The following MTRF1 variants were observed in gnomAD, a reference collection of about 807,000 sequenced individuals.
The protein encoded by MTRF1 is mitochondrial translation release factor 1, also known as peptide chain release factor 1, mitochondrial.
MTRF1 carries 51 observed loss-of-function variants against 62.9 expected under a neutral mutation model. The observed-to-expected ratio is 0.81, with a 90% CI of 0.65 to 1.02. The LOEUF is 1.02. MTRF1 is among the 50% of genes least tolerant of loss of function. The pLI is 0.00. For synonymous variants in MTRF1, 158 were observed against 181.9 expected (o/e 0.87, Z 1.06); for missense variants, 446 against 530.0 (o/e 0.84, Z 1.56).
At chr13:41,311,382 G>A in the MTRF1 span, 2 of 707,420 alleles carry the variant, frequency 2.8e-6, no homozygotes, top group Non-Finnish European at 4.7e-6. Context: ...CAGCCAGGCT[G>A]CCCAATTGCA....
chr13:41,271,280 G>C, the MTRF1 span, among the ~76,000 whole-genome samples: 1 of 151,988 alleles, frequency 6.6e-6, no homozygotes, highest in Non-Finnish European at 1.5e-5. Context: ...TGACCTTAGG[G>C]CTCTTTTCCC....
chr13:41,227,758 T>C (rs1018147380), intron 7 of MTRF1, among the ~76,000 whole-genome samples: 1 of 152,258 alleles, frequency 6.6e-6, no homozygotes, highest in African/African-American at 2.4e-5. Context: ...AGAATTTCTA[T>C]AAAGTTCTAT....
At chr13:41,226,401 T>C in intron 8 of MTRF1, 31 bp downstream of exon 8, 1 of 1,589,652 alleles carries the variant, frequency 6.3e-7, no homozygotes, top group Non-Finnish European at 8.5e-7. Flanking sequence ...CTTTAAACAG[T>C]CACTAAATTA....
chr13:41,242,986 C>T (rs1296598547), intron 5 of MTRF1, among the ~76,000 whole-genome samples: 6 of 151,922 alleles, frequency 3.9e-5, no homozygotes, highest in African/African-American at 2.4e-5. Context: ...TTTGGGAGGC[C>T]GAGGCGGGCA....
At chr13:41,275,345 C>T in the MTRF1 span, among the ~76,000 whole-genome samples, 1 of 151,940 alleles carries the variant, frequency 6.6e-6, no homozygotes, top group Admixed American at 6.6e-5. Flanking sequence ...GGACTACATG[C>T]ACCCGCCACC....
At chr13:41,311,518 T>C in the MTRF1 span, 1 of 1,598,356 alleles carries the variant, frequency 6.3e-7, no homozygotes, top group Non-Finnish European at 8.5e-7. Flanking sequence ...CTAGCCTCCC[T>C]GCCGGCCACG....
the MTRF1 span, among the ~76,000 whole-genome samples, chr13:41,282,807 T>C: frequency 6.6e-6 from 1 of 152,250 alleles, no homozygotes; most frequent in Non-Finnish European, 1.5e-5. Flanking sequence ...ATGTCCTACT[T>C]AATGAATGCC....
the MTRF1 span, among the ~76,000 whole-genome samples, chr13:41,291,626 C>T: frequency 6.6e-6 from 1 of 152,014 alleles, no homozygotes; most frequent in Non-Finnish European, 1.5e-5. Flanking sequence ...TCTCATATAT[C>T]TCCTAGGTAG....
intron 5 of MTRF1, chr13:41,252,177 G>A (rs2039147577): frequency 6.6e-6 from 1 of 152,486 alleles, no homozygotes; most frequent in South Asian, 2.1e-4. Flanking sequence ...ATAGTGCCCA[G>A]CCATTATAAA....
chr13:41,308,561 T>G, the MTRF1 span, among the ~76,000 whole-genome samples: 1 of 152,156 alleles, frequency 6.6e-6, no homozygotes, highest in Non-Finnish European at 1.5e-5. Context: ...GGCACTTCTG[T>G]GTGCTTGCTC....
At chr13:41,308,217 A>G in the MTRF1 span, among the ~76,000 whole-genome samples, 2 of 152,172 alleles carry the variant, frequency 1.3e-5, no homozygotes, top group African/African-American at 2.4e-5. Context: ...CCCACAGGAA[A>G]CTTTCATAAA....
intron 2 of MTRF1, among the ~76,000 whole-genome samples, chr13:41,256,980 A>T (rs577129020): frequency 6.6e-6 from 1 of 152,338 alleles, no homozygotes; most frequent in East Asian, 1.9e-4. Flanking sequence ...TACAAAACAG[A>T]GAAAGGTAAC....
At chr13:41,276,414 CGCCTGCCTTG>C in the MTRF1 span, among the ~76,000 whole-genome samples, 1 of 152,042 alleles carries the variant, frequency 6.6e-6, no homozygotes, top group Non-Finnish European at 1.5e-5. Context: ...TCAAGTGATC[CGCCTGCCTTG>C]GCCTCCTAAA....
At chr13:41,252,036 T>A (rs932093981) in intron 5 of MTRF1, among the ~76,000 whole-genome samples, 3 of 152,128 alleles carry the variant, frequency 2.0e-5, no homozygotes, top group Non-Finnish European at 2.9e-5. Context: ...CGTGCCACCA[T>A]GCCCAGTTAA....
intron 2 of MTRF1, among the ~76,000 whole-genome samples, chr13:41,255,769 C>A (rs2039631147): frequency 6.6e-6 from 1 of 152,104 alleles, no homozygotes; most frequent in South Asian, 2.1e-4. Context: ...AGAAAATGGG[C>A]CTTTTTCTGT....
chr13:41,297,695 C>T, the MTRF1 span, among the ~76,000 whole-genome samples: 2 of 151,956 alleles, frequency 1.3e-5, no homozygotes, highest in Non-Finnish European at 2.9e-5. Context: ...CCTGCCTCAG[C>T]GTCCCGAGTG....
At chr13:41,243,150 C>T (rs569652273) in intron 5 of MTRF1, among the ~76,000 whole-genome samples, 17 of 152,064 alleles carry the variant, frequency 1.1e-4, no homozygotes, top group East Asian at 3.9e-4. Context: ...ACCTGAGAGG[C>T]GGAGGTCGCA....
chr13:41,274,539 G>A, the MTRF1 span, among the ~76,000 whole-genome samples: 1 of 151,970 alleles, frequency 6.6e-6, no homozygotes, highest in Admixed American at 6.6e-5. Flanking sequence ...ACACCATAAG[G>A]AATGCTGAAA....
In MTRF1 at chr13:41,235,608, T is replaced by G. The variant is rs1334478132; in HGVS notation, c.871-1601A>C. On this transcript the variant is annotated intron_variant, in intron 6 of 9. Coordinates refer to ENST00000379480, the MANE Select transcript of MTRF1 (RefSeq NM_004294.4). ...AAAGACAGTAAAGGAGAAGACCATGTGAATTTGAAGAGTGTTATCGTTTCA... is the reference window on the plus strand; with the variant it reads ...AAAGACAGTAAAGGAGAAGACCATGGGAATTTGAAGAGTGTTATCGTTTCA... The G allele has an allele frequency of 1.1e-4, 17 of 152,240 alleles. 1 individual carries two copies. The highest frequency in any genetic ancestry group is 2.5e-4 in the Non-Finnish European group (17 of 68,130). 9.4% of individuals were successfully genotyped at this position (152,240 alleles called of 1,614,324 possible).
Sources: gnomAD v4.1 joint callset for allele counts (sites outside exome capture counted in the v4.1 genomes callset) on GRCh38, gnomAD v4.1.1 for gene constraint, MANE v1.5 for transcripts, NCBI Gene and HGNC (gene_info 2026-07-23, HGNC 2026-07-21) for gene names.